AMZ1: variants seen among roughly 807,000 people sequenced by gnomAD.
AMZ1 encodes the protein archaemetzincin-1.
AMZ1 carries 39 observed loss-of-function variants against 29.9 expected under a neutral mutation model. That is an observed-to-expected ratio of 1.30 (90% CI 1.01 to 1.70). AMZ1 has a LOEUF of 1.70. Among genes scored for constraint, AMZ1 ranks in the 40% most tolerant of loss-of-function variants. The pLI is 0.00. For synonymous variants in AMZ1, 458 were observed against 304.0 expected, an observed-to-expected ratio of 1.51 and a Z score of -5.27; for missense variants, 1,041 against 680.6, an observed-to-expected ratio of 1.53 and a Z score of -5.89.
intron 4 of AMZ1, chr7:2,733,415 G>A (rs759733306): frequency 2.5e-6 from 4 of 1,596,608 alleles, no homozygotes; most frequent in South Asian, 2.2e-5. Context: ...TTCTAACCCT[G>A]GAGCCCAGCT....
intron 4 of AMZ1, among the ~76,000 whole-genome samples, chr7:2,755,061 C>T (rs1181705522): frequency 7.9e-5 from 12 of 152,196 alleles, no homozygotes; most frequent in Non-Finnish European, 1.8e-4. Flanking sequence ...GTTGCTTCTG[C>T]CCTTGGCTGC....
At chr7:2,686,985 T>G (rs1393688294), upstream of AMZ1, among the ~76,000 whole-genome samples, 2 of 151,168 alleles carry the variant, frequency 1.3e-5, no homozygotes, top group African/African-American at 2.4e-5. Flanking sequence ...AGTGCTGGGA[T>G]TACAGGCATG....
At chr7:2,744,073 T>G (rs1238696255) in intron 4 of AMZ1, among the ~76,000 whole-genome samples, 1 of 152,240 alleles carries the variant, frequency 6.6e-6, no homozygotes, top group Non-Finnish European at 1.5e-5. Context: ...TGCCTGCCTC[T>G]GTAGGTTCCC....
intron 1 of AMZ1, among the ~76,000 whole-genome samples, chr7:2,680,594 C>G (rs112729869): frequency 1.3e-5 from 2 of 152,222 alleles, no homozygotes; most frequent in Admixed American, 6.5e-5. Flanking sequence ...TTTTCACCCC[C>G]GACCCCAGCT....
chr7:2,711,366 T>C (rs1788764068), intron 6 of AMZ1, among the ~76,000 whole-genome samples: 1 of 152,240 alleles, frequency 6.6e-6, no homozygotes, highest in Non-Finnish European at 1.5e-5. Context: ...GCCTGACTTG[T>C]TGTGGTCTCT....
rs546644598 is a variant in AMZ1, at chr7:2,736,670, G to A, written n.550+26854G>A. Among the ~76,000 whole-genome samples the A allele has an allele frequency of 2.0e-5, 3 of 152,364 alleles. No homozygotes were observed. The South Asian group carries it at 6.2e-4, about 32-fold the overall frequency. On this transcript the variant is annotated intron_variant and non_coding_transcript_variant, in intron 4 of 4. Coordinates refer to the AMZ1 transcript ENST00000489665. ...ACGCCCATGAGGAGACCGCCTTTCT[G>A]CAGAGGCCTGCAGCCTTCAGCAGTT...
intron 4 of AMZ1, among the ~76,000 whole-genome samples, chr7:2,747,764 T>C (rs1278200513): frequency 3.3e-5 from 5 of 152,194 alleles, no homozygotes; most frequent in South Asian, 2.1e-4. Flanking sequence ...TTGTATATTA[T>C]CTAGAAAACC....
upstream of AMZ1, among the ~76,000 whole-genome samples, chr7:2,761,167 AC>A (rs1451357761): frequency 3.3e-5 from 5 of 152,044 alleles, no homozygotes; most frequent in Admixed American, 6.6e-5. Flanking sequence ...CGGCCGCCTC[AC>A]CGAGCCACCG....
At chr7:2,747,535 C>T (rs1179268988) in intron 4 of AMZ1, among the ~76,000 whole-genome samples, 1 of 151,908 alleles carries the variant, frequency 6.6e-6, no homozygotes, top group South Asian at 2.1e-4. Context: ...ATAATAAGAG[C>T]TATCTATGAC....
At chr7:2,704,133 C>T (rs1788214634) in intron 3 of AMZ1, among the ~76,000 whole-genome samples, 1 of 152,216 alleles carries the variant, frequency 6.6e-6, no homozygotes, top group South Asian at 2.1e-4. Flanking sequence ...GCATGATCTG[C>T]CTGCATTGGC....
upstream of AMZ1, among the ~76,000 whole-genome samples, chr7:2,683,869 C>T (rs1238995606): frequency 6.6e-6 from 1 of 151,830 alleles, no homozygotes; most frequent in African/African-American, 2.4e-5. Context: ...CACCCAGCCT[C>T]TTTCTCTCTC....
At chr7:2,700,105 C>T (rs997147865) in intron 1 of AMZ1, 129 bp from the exon 2 acceptor site, 10 of 299,156 alleles carry the variant, frequency 3.3e-5, no homozygotes, top group Non-Finnish European at 6.3e-5. Flanking sequence ...GGGGCCAGGG[C>T]TCCCTCTGAC....
chr7:2,689,379 G>A (rs879359451), intron 1 of AMZ1, among the ~76,000 whole-genome samples: 5 of 151,992 alleles, frequency 3.3e-5, no homozygotes, highest in Admixed American at 6.6e-5. Flanking sequence ...CTGGGGGGGG[G>A]ATGCGGACGT....
intron 4 of AMZ1, among the ~76,000 whole-genome samples, chr7:2,746,580 T>C (rs1421373680): frequency 1.3e-5 from 2 of 151,762 alleles, no homozygotes; most frequent in African/African-American, 2.4e-5. Flanking sequence ...AAATCTAAAA[T>C]TGACACCCTA....
intron 4 of AMZ1, among the ~76,000 whole-genome samples, chr7:2,739,861 G>C (rs1029349993): frequency 2.0e-5 from 3 of 151,994 alleles, no homozygotes; most frequent in Non-Finnish European, 4.4e-5. Context: ...TAGTAGAGAC[G>C]GGGGTTTCAC....
At chr7:2,683,447 G>GTTTTT (rs965606359), upstream of AMZ1, among the ~76,000 whole-genome samples, 3 of 148,830 alleles carry the variant, frequency 2.0e-5, no homozygotes, top group East Asian at 5.8e-4. Context: ...TTTTGTTTTT[G>GTTTTT]TTTTTTTTGA....
At chr7:2,689,369 C>CTGGG (rs1485567305) in intron 1 of AMZ1, among the ~76,000 whole-genome samples, 17 of 122,262 alleles carry the variant, frequency 1.4e-4, no homozygotes, top group Non-Finnish European at 2.9e-4. Context: ...CAGAACCTCC[C>CTGGG]TGGGGGGGGG....
At chr7:2,712,012 A>C (rs1294046730) in intron 6 of AMZ1, among the ~76,000 whole-genome samples, 1 of 152,054 alleles carries the variant, frequency 6.6e-6, no homozygotes, top group Non-Finnish European at 1.5e-5. Context: ...GCAGCACTGC[A>C]CTCCAGCCTG....
chr7:2,738,985 G>C (rs1790356809), intron 4 of AMZ1, among the ~76,000 whole-genome samples: 1 of 152,148 alleles, frequency 6.6e-6, no homozygotes, highest in African/African-American at 2.4e-5. Flanking sequence ...CCACCCCTTG[G>C]TCACAGCAGT....
Sources: gnomAD v4.1 joint callset for allele counts (sites outside exome capture counted in the v4.1 genomes callset) on GRCh38, gnomAD v4.1.1 for gene constraint, MANE v1.5 for transcripts, NCBI Gene and HGNC (gene_info 2026-07-23, HGNC 2026-07-21) for gene names.